E2F4: variants seen among roughly 807,000 people sequenced by gnomAD.
E2F4 encodes the protein E2F transcription factor 4.
A neutral mutation model predicts 44.5 loss-of-function variants in E2F4; 16 were observed. The ratio of observed to expected loss-of-function variants is 0.36; its 90% CI spans 0.24 to 0.55. The LOEUF (loss-of-function observed/expected upper bound fraction) is 0.55. Among genes scored for constraint, E2F4 ranks in the 20% least tolerant of loss-of-function variants. E2F4 has a pLI of 0.87. For synonymous variants in E2F4, 242 were observed against 207.2 expected, an observed-to-expected ratio of 1.17 and a Z score of -1.44; for missense variants, 473 against 522.1, an observed-to-expected ratio of 0.91 and a Z score of 0.92.
At chr16:67,192,546 G>GC in intron 1 of E2F4, 184 bp downstream of exon 1, 2 of 1,059,120 alleles carry the variant, frequency 1.9e-6, no homozygotes, top group Non-Finnish European at 2.6e-6. Flanking sequence ...ACAGCTATGG[G>GC]CCAGGCTCGG....
rs745520633 is a variant in E2F4 at position 67,198,730 on chromosome 16, C to G, written c.*607C>G. Reference sequence around the variant, plus strand: ...CCCTGATGATTGGCCCCACCTCCTGCTGCCCCATAACCCTCTCTTCATTTC... The same window carrying G: ...CCCTGATGATTGGCCCCACCTCCTGGTGCCCCATAACCCTCTCTTCATTTC... On this transcript the variant is annotated 3_prime_UTR_variant, in exon 10 of 10. Coordinates refer to ENST00000379378, the MANE Select transcript of E2F4 (RefSeq NM_001950.4). 1.1e-5 allele frequency: 2 copies of G among 183,280 alleles called. No homozygotes were observed. Among genetic ancestry groups the G allele is most frequent in the South Asian group, 1.2e-4 (1 of 8,426 alleles). 11.4% of individuals were successfully genotyped at this position (183,280 alleles called of 1,614,324 possible).
rs1450990730 is a variant in E2F4, at chr16:67,195,972, C to T, written c.999C>T (p.Thr333=). The change falls in exon 7 of 10, where the codon ACC becomes ACT. Residue 333 remains threonine, a synonymous_variant. Transcript: ENST00000379378. ...GTTCGTCCGGACCCAACCCTTCTAC[C>T]TCCTTTGAGCCCATCAAGGCAGACC... is the stretch of plus-strand genomic sequence containing the variant. The part of the protein sequence containing the change: ...SSSSSGPNPS[T]SFEPIKADPT... 6.2e-7 allele frequency: 1 copy of T among 1,614,056 alleles called. No individual in the cohort carries two copies. The highest frequency in any genetic ancestry group is 1.3e-5 in the African/African-American group (1 of 74,916).
chr16:67,192,626 C>A, intron 1 of E2F4, 135 bp from the exon 2 acceptor site: 1 of 957,604 alleles, frequency 1.0e-6, no homozygotes, highest in Non-Finnish European at 1.6e-6. Context: ...GACAGAGCTG[C>A]GGTCCTGAGC....
Position 67,195,892 on chromosome 16 carries a change from A to G in E2F4, c.919A>G (p.Ser307Gly), listed in dbSNP as rs760602299. 19 of 1,026,672 alleles carry G rather than the reference A, an allele frequency of 1.9e-5. No homozygotes were observed. The highest frequency in any genetic ancestry group is 2.3e-5 in the Non-Finnish European group (19 of 815,858). The allele number at this position is 1,026,672 out of a possible 1,614,324, so 63.6% of individuals were successfully genotyped here. A position where few individuals can be genotyped will look rare whatever the true frequency, so the allele number is the denominator to read the frequency against. Reference sequence around the variant, plus strand: ...ACTGCAGTCTTCTGCCCTGCTGGACAGCAGCAGCAGCAGCAGCAGCAGCAG... The same window carrying G: ...ACTGCAGTCTTCTGCCCTGCTGGACGGCAGCAGCAGCAGCAGCAGCAGCAG... ...RPLQSSALLD[S>G]SSSSSSSSSS... Residue 307 changes from serine (S) to glycine (G), a missense_variant, in exon 7 of 10, where the codon AGC becomes GGC. Transcript: ENST00000379378.
At position 67,192,204 on chromosome 16, in the gene E2F4, G is replaced by A; in HGVS notation, c.-24G>A. ...GGCGCCGGCCTGGCCTGGCCTGGCT[G>A]AGGGGAGGCGGCGGGCGGGCGCGAT... On this transcript the variant is annotated 5_prime_UTR_variant, in exon 1 of 10. Transcript: ENST00000379378. 2 of 1,238,094 alleles carry A rather than the reference G, an allele frequency of 1.6e-6. No homozygotes were observed. The highest frequency in any genetic ancestry group is 2.0e-6 in the Non-Finnish European group (2 of 990,400). 76.7% of individuals were successfully genotyped at this position (1,238,094 alleles called of 1,614,324 possible).
intron 7 of E2F4, among the ~76,000 whole-genome samples, chr16:67,197,236 A>T (rs2032983471): frequency 6.6e-6 from 1 of 152,128 alleles, no homozygotes; most frequent in South Asian, 2.1e-4. Context: ...TGGTGACCTG[A>T]CCCAGGGTCT....
intron 4 of E2F4, among the ~76,000 whole-genome samples, 169 bp downstream of exon 4, chr16:67,193,684 T>TGG (rs2032924248): frequency 6.6e-6 from 1 of 152,170 alleles, no homozygotes; most frequent in African/African-American, 2.4e-5. Flanking sequence ...TGGGACCCTG[T>TGG]GGAGGTCAGC....
At chr16:67,192,610 C>T (rs2032904784) in intron 1 of E2F4, 151 bp from the exon 2 acceptor site, 3 of 931,340 alleles carry the variant, frequency 3.2e-6, no homozygotes, top group South Asian at 3.4e-5. Flanking sequence ...GAAGAGCTGC[C>T]TATGGGACAG....
chr16:67,198,371 C>T lies in E2F4; in HGVS notation c.*248C>T, dbSNP rs1443907474. 4 of 491,234 alleles carry T rather than the reference C, an allele frequency of 8.1e-6. No homozygotes were observed. Among genetic ancestry groups the T allele is most frequent in the East Asian group, 7.1e-5 (2 of 27,990 alleles). 30.4% of individuals were successfully genotyped at this position (491,234 alleles called of 1,614,324 possible). A position where few individuals can be genotyped will look rare whatever the true frequency, so the allele number is the denominator to read the frequency against. ...CAAAGTGTTTGCTTCTCCCTTTCTG[C>T]GGCCTTCGCCAGCCCAGGCTCGGCT... is the stretch of plus-strand genomic sequence containing the variant. On this transcript the variant is annotated 3_prime_UTR_variant, in exon 10 of 10. Coordinates refer to ENST00000379378, the MANE Select transcript of E2F4 (RefSeq NM_001950.4).
chr16:67,193,348 G>A, intron 3 of E2F4, 124 bp from the exon 4 acceptor site: 6 of 1,495,230 alleles, frequency 4.0e-6, no homozygotes, highest in South Asian at 1.1e-5. Context: ...TCCCCCGGTG[G>A]ACCTGAGTCC....
intron 7 of E2F4, among the ~76,000 whole-genome samples, chr16:67,196,686 C>T (rs1306517672): frequency 6.6e-6 from 1 of 152,230 alleles, no homozygotes; most frequent in Non-Finnish European, 1.5e-5. Flanking sequence ...TCGGTGTCCA[C>T]CTGCCGTCCT....
chr16:67,198,186 A>G lies in E2F4; in HGVS notation c.*63A>G. On this transcript the variant is annotated 3_prime_UTR_variant, in exon 10 of 10. Transcript: ENST00000379378. ...TGTCTGACCTGGGGGTTGCCTGGGG[A>G]CCTCTCCCACCCGACCCCTACAGAG... 1 of 1,438,320 alleles carries G rather than the reference A, an allele frequency of 7.0e-7. No homozygotes were observed. The highest frequency in any genetic ancestry group is 9.7e-7 in the Non-Finnish European group (1 of 1,028,854). The allele number at this position is 1,438,320 out of a possible 1,614,324, so 89.1% of individuals were successfully genotyped here.
chr16:67,193,481 C>T lies in E2F4; in HGVS notation c.417C>T (p.Tyr139=), dbSNP rs747401766. 3.7e-6 allele frequency: 6 copies of T among 1,614,104 alleles called. No homozygotes were observed. Among genetic ancestry groups the T allele is most frequent in the East Asian group, 2.2e-5 (1 of 44,896 alleles). Reference sequence around the variant, plus strand: ...TCCTTAACCCTCACACTTTGGCCTACGTCACTCATGAGGACATCTGCAGAT... The same window carrying T: ...TCCTTAACCCTCACACTTTGGCCTATGTCACTCATGAGGACATCTGCAGAT... ...TEDVQNSCLA[Y]VTHEDICRCF... is the part of the protein sequence containing the mutation. The change falls in exon 4 of 10, where the codon TAC becomes TAT. Residue 139 remains tyrosine, a synonymous_variant. Coordinates refer to ENST00000379378, the MANE Select transcript of E2F4 (RefSeq NM_001950.4).
Position 67,195,890 on chromosome 16 carries a change from A to T in E2F4, c.917A>T (p.Asp306Val). ...CCACTGCAGTCTTCTGCCCTGCTGGACAGCAGCAGCAGCAGCAGCAGCAGC... is the reference window on the plus strand; with the variant it reads ...CCACTGCAGTCTTCTGCCCTGCTGGTCAGCAGCAGCAGCAGCAGCAGCAGC... The part of the protein sequence containing the change: ...TRPLQSSALL[D>V]SSSSSSSSSS... Residue 306 changes from aspartate to valine, a missense_variant, in exon 7 of 10, where the codon GAC becomes GTC. Physicochemically the swap from Asp to Val is radical, Grantham distance 152. Transcript: ENST00000379378. 1 of 1,607,586 alleles carries T rather than the reference A, an allele frequency of 6.2e-7. No homozygotes were observed. The highest frequency in any genetic ancestry group is 8.5e-7 in the Non-Finnish European group (1 of 1,177,380).
chr16:67,194,782 C>T lies in E2F4; in HGVS notation c.610C>T (p.Pro204Ser). The stretch of plus-strand genomic sequence containing the variant: ...GAACAAGGAGGCATGGAGCTCACCC[C>T]CTGTGGCTGTGCCTGTGCCACCACC... The part of the protein sequence containing the change: ...LVNKEAWSSP[P>S]VAVPVPPPED... The change falls in exon 6 of 10, where the codon CCT (proline) becomes TCT (serine). Residue 204 changes from proline (P) to serine (S), a missense_variant. Physicochemically the swap from Pro to Ser is moderately conservative, Grantham distance 74. Transcript: ENST00000379378. 1 of 1,614,170 alleles carries T rather than the reference C, an allele frequency of 6.2e-7. No homozygotes were observed. Among genetic ancestry groups the T allele is most frequent in the South Asian group, 1.1e-5 (1 of 91,092 alleles).
rs887699948 is a variant in E2F4 at position 67,193,580 on chromosome 16, C to T, written c.451+65C>T. 79 of 1,546,012 alleles carry T rather than the reference C, an allele frequency of 5.1e-5. No individual in the cohort carries two copies. The African/African-American group carries it at 9.1e-4, about 18-fold the overall frequency. Reference sequence around the variant, plus strand: ...CTCAGCCAAAGTCCTGAGCACTGGGCTCAGTGTCTTAGGAGAGTTCTGTCT... The same window carrying T: ...CTCAGCCAAAGTCCTGAGCACTGGGTTCAGTGTCTTAGGAGAGTTCTGTCT... On this transcript the variant is annotated intron_variant, in intron 4 of 9. Coordinates refer to ENST00000379378, the MANE Select transcript of E2F4 (RefSeq NM_001950.4).
rs186265317 is a variant in E2F4 at position 67,194,420 on chromosome 16, G to T, written c.474G>T (p.Arg158=). Residue 158 remains arginine (R), a synonymous_variant, in exon 5 of 10, where the codon CGG becomes CGT. Coordinates refer to ENST00000379378, the MANE Select transcript of E2F4 (RefSeq NM_001950.4). The part of the protein sequence containing the change: ...CFAGDTLLAI[R]APSGTSLEVP... The stretch of plus-strand genomic sequence containing the variant: ...TAGGAGATACCCTCTTGGCCATCCG[G>T]GCCCCATCAGGCACCAGCCTGGAGG... 11 of 1,614,088 alleles carry T rather than the reference G, an allele frequency of 6.8e-6. No homozygotes were observed. The highest frequency in any genetic ancestry group is 8.5e-6 in the Non-Finnish European group (10 of 1,180,024).
At chr16:67,196,358 A>G (rs1417810836) in intron 7 of E2F4, among the ~76,000 whole-genome samples, 1 of 152,158 alleles carries the variant, frequency 6.6e-6, no homozygotes, top group Non-Finnish European at 1.5e-5. Context: ...TTCAGGTTGC[A>G]GCAGTCACCC....
intron 6 of E2F4, 152 bp downstream of exon 6, chr16:67,195,132 C>CT (rs1312760260): frequency 2.8e-6 from 3 of 1,076,024 alleles, no homozygotes; most frequent in Non-Finnish European, 2.6e-6. Flanking sequence ...ATGAATGAGC[C>CT]TTTTTTGTTT....
Sources: allele counts gnomAD v4.1 joint callset (sites outside exome capture counted in the v4.1 genomes callset), GRCh38; gene constraint gnomAD v4.1.1; transcripts MANE v1.5; gene names NCBI Gene and HGNC (gene_info 2026-07-23, HGNC 2026-07-21).